The following CHN1 variants were observed in gnomAD, a reference collection of about 807,000 sequenced individuals.
CHN1 encodes N-chimaerin.
Under a neutral mutation model 59.5 loss-of-function variants are expected in CHN1, and 37 were observed. That is an observed-to-expected ratio of 0.62 (90% CI 0.48 to 0.82). CHN1 has a LOEUF of 0.82. Ranked by LOEUF, CHN1 falls within the 40% of genes least tolerant of loss-of-function variation. The pLI is 0.00. For missense variants in CHN1, 469 were observed against 571.0 expected (o/e 0.82, Z 1.82); for synonymous variants, 206 against 200.4 (o/e 1.03, Z -0.24).
At chr2:174,985,895 ACT>A (rs776432432) in intron 1 of CHN1, among the ~76,000 whole-genome samples, 16 of 152,138 alleles carry the variant, frequency 1.1e-4, no homozygotes, top group Non-Finnish European at 1.9e-4. Flanking sequence ...CATCTTGTGG[ACT>A]CTCTGGAAAA....
At chr2:174,903,716 A>G (rs1362540552) in intron 5 of CHN1, among the ~76,000 whole-genome samples, 1 of 152,234 alleles carries the variant, frequency 6.6e-6, no homozygotes, top group African/African-American at 2.4e-5. Flanking sequence ...CAAGGTTACT[A>G]TAAAATTATT....
At chr2:174,801,921 C>T (rs1026875000) in intron 11 of CHN1, 109 bp from the exon 12 acceptor site, 2 of 851,550 alleles carry the variant, frequency 2.3e-6, no homozygotes. Context: ...GTAAGAAATG[C>T]TTTCTCGTAA....
intron 1 of CHN1, among the ~76,000 whole-genome samples, chr2:174,973,075 T>C (rs1048687153): frequency 2.0e-5 from 3 of 152,188 alleles, no homozygotes; most frequent in Admixed American, 6.5e-5. Flanking sequence ...ACTCTTCAGT[T>C]GTTCAACCAC....
intron 6 of CHN1, 41 bp downstream of exon 6, chr2:174,877,799 C>A: frequency 6.4e-7 from 1 of 1,566,006 alleles, no homozygotes; most frequent in Non-Finnish European, 8.7e-7. Flanking sequence ...TAAAAGAACC[C>A]CAAACAGAAA....
At chr2:174,989,836 A>G (rs1170955367) in intron 1 of CHN1, among the ~76,000 whole-genome samples, 35 of 152,132 alleles carry the variant, frequency 2.3e-4, no homozygotes, top group Admixed American at 2.3e-3. Flanking sequence ...ACTCTTACCA[A>G]TGAAAAAAAC....
intron 1 of CHN1, among the ~76,000 whole-genome samples, chr2:174,989,823 T>C (rs1691477638): frequency 6.6e-6 from 1 of 152,006 alleles, no homozygotes; most frequent in Non-Finnish European, 1.5e-5. Flanking sequence ...TTATCTTAAA[T>C]GTACTCTTAC....
intron 6 of CHN1, among the ~76,000 whole-genome samples, chr2:174,876,750 C>T (rs1170569190): frequency 1.3e-5 from 2 of 152,118 alleles, no homozygotes; most frequent in Non-Finnish European, 2.9e-5. Context: ...GAGGATGCTG[C>T]CTTGAGGTCA....
intron 3 of CHN1, among the ~76,000 whole-genome samples, chr2:174,931,244 G>A (rs1689338664): frequency 1.3e-5 from 2 of 152,078 alleles, no homozygotes; most frequent in African/African-American, 2.4e-5. Context: ...TATCTGCAAA[G>A]CATATTATAA....
At chr2:174,904,657 C>T (rs913384520) in intron 5 of CHN1, among the ~76,000 whole-genome samples, 4 of 151,998 alleles carry the variant, frequency 2.6e-5, no homozygotes, top group Admixed American at 6.6e-5. Flanking sequence ...TAAAGTGCTG[C>T]GATTACAGGC....
intron 5 of CHN1, among the ~76,000 whole-genome samples, chr2:174,898,067 T>G (rs1464626606): frequency 6.6e-6 from 1 of 151,930 alleles, no homozygotes; most frequent in Non-Finnish European, 1.5e-5. Context: ...CTGGTAGGAG[T>G]GACAAATGAG....
intron 7 of CHN1, chr2:174,846,547 C>T: frequency 8.3e-7 from 1 of 1,201,480 alleles, no homozygotes; most frequent in Non-Finnish European, 1.1e-6. Context: ...AAATCTCCAA[C>T]AGAGGTATTC....
intron 8 of CHN1, among the ~76,000 whole-genome samples, chr2:174,814,321 C>G (rs1476968557): frequency 6.6e-6 from 1 of 152,226 alleles, no homozygotes; most frequent in African/African-American, 2.4e-5. Context: ...TGACCCAACA[C>G]TATTCTGTAT....
chr2:174,810,339 T>C (rs1685031317), intron 10 of CHN1, among the ~76,000 whole-genome samples: 1 of 152,218 alleles, frequency 6.6e-6, no homozygotes, highest in Non-Finnish European at 1.5e-5. Flanking sequence ...GCAGTGTGGC[T>C]ACAGGGAGCC....
At chr2:174,854,419 A>G (rs1686836933) in intron 6 of CHN1, among the ~76,000 whole-genome samples, 1 of 152,212 alleles carries the variant, frequency 6.6e-6, no homozygotes, top group Non-Finnish European at 1.5e-5. Context: ...CTGTTTTTCA[A>G]ATAAATTCCC....
Position 175,005,307 on chromosome 2 carries a change from C to A in CHN1, c.-395G>T. 1 of 1,196,306 alleles carries A rather than the reference C, an allele frequency of 8.4e-7. No homozygotes were observed. The highest frequency in any genetic ancestry group is 3.5e-4 in the Middle Eastern group (1 of 2,872). The allele number at this position is 1,196,306 out of a possible 1,614,324, so 74.1% of individuals were successfully genotyped here. On this transcript the variant is annotated 5_prime_UTR_variant, in exon 1 of 13. Coordinates refer to ENST00000409900, the MANE Select transcript of CHN1 (RefSeq NM_001822.7). ...GACGGGGAGAGCAGCAGCAGCCTCG[C>A]ACAGCCCCCGGCGGGGCGCGCTCAC...
At chr2:174,902,097 G>C (rs1464754353) in intron 5 of CHN1, among the ~76,000 whole-genome samples, 1 of 152,052 alleles carries the variant, frequency 6.6e-6, no homozygotes, top group African/African-American at 2.4e-5. Flanking sequence ...AGTAGAATTG[G>C]GGTGCTTTTT....
At position 174,804,362 on chromosome 2, in the gene CHN1, A is replaced by G. The variant is rs548794751; in HGVS notation, c.1103-2550T>C. Among the ~76,000 whole-genome samples, 9 of 152,316 alleles carry G rather than the reference A, an allele frequency of 5.9e-5. No homozygotes were observed. In the South Asian group the frequency reaches 1.7e-3, roughly 28 times the overall value. On this transcript the variant is annotated intron_variant, in intron 11 of 12. Coordinates refer to ENST00000409900, the MANE Select transcript of CHN1 (RefSeq NM_001822.7). Reference sequence around the variant, plus strand: ...CAGAAGGGCAACAGGGCACTCAATCATGTCAAGGGATGTAGGCTATTTTAA... The same window carrying G: ...CAGAAGGGCAACAGGGCACTCAATCGTGTCAAGGGATGTAGGCTATTTTAA...
intron 1 of CHN1, among the ~76,000 whole-genome samples, chr2:174,971,168 A>C (rs768045178): frequency 2.0e-5 from 3 of 152,082 alleles, no homozygotes; most frequent in Non-Finnish European, 4.4e-5. Context: ...AATACAAAAA[A>C]TAAGCCGAGC....
At chr2:174,987,004 G>C (rs1170861438) in intron 1 of CHN1, among the ~76,000 whole-genome samples, 1 of 152,206 alleles carries the variant, frequency 6.6e-6, no homozygotes, top group African/African-American at 2.4e-5. Flanking sequence ...CCAAAGTGCT[G>C]GGATTACAGG....
Sources: gnomAD v4.1 joint callset for allele counts (sites outside exome capture counted in the v4.1 genomes callset) on GRCh38, gnomAD v4.1.1 for gene constraint, MANE v1.5 for transcripts, NCBI Gene and HGNC (gene_info 2026-07-23, HGNC 2026-07-21) for gene names.